ZNF423: variants seen among roughly 807,000 people sequenced by gnomAD.
The protein encoded by ZNF423 is Ebf-associated zinc finger protein.
ZNF423 carries 12 observed loss-of-function variants against 95.8 expected under a neutral mutation model. The observed-to-expected ratio is 0.13, with a 90% confidence interval of 0.08 to 0.20. The LOEUF (loss-of-function observed/expected upper bound fraction) is 0.20. Among genes scored for constraint, ZNF423 ranks in the 10% least tolerant of loss-of-function variants. The pLI is 1.00. For synonymous variants in ZNF423, 749 were observed against 711.9 expected (o/e 1.05, Z -0.83); for missense variants, 1,316 against 1,737.1 (o/e 0.76, Z 4.31).
intron 3 of ZNF423, among the ~76,000 whole-genome samples, chr16:49,687,663 C>T (rs1471726551): frequency 1.3e-5 from 2 of 152,146 alleles, no homozygotes; most frequent in African/African-American, 2.4e-5. Context: ...CCAGGGGGGC[C>T]TTTAATTACT....
At chr16:49,722,024 A>G (rs1189256841) in intron 3 of ZNF423, among the ~76,000 whole-genome samples, 1 of 152,210 alleles carries the variant, frequency 6.6e-6, no homozygotes. Context: ...GCAGGCGGTG[A>G]ATAAAAATGT....
At chr16:49,550,819 T>G (rs896805857) in intron 5 of ZNF423, among the ~76,000 whole-genome samples, 11 of 152,250 alleles carry the variant, frequency 7.2e-5, no homozygotes, top group Non-Finnish European at 1.5e-4. Flanking sequence ...TGAGGGCTGC[T>G]TGCCAACTGC....
At chr16:49,667,251 G>A (rs1486046429) in intron 3 of ZNF423, among the ~76,000 whole-genome samples, 1 of 152,230 alleles carries the variant, frequency 6.6e-6, no homozygotes, top group African/African-American at 2.4e-5. Context: ...AGAACAAACT[G>A]GGTCAGTGTT....
At chr16:49,815,893 T>TATACAC (rs2034838293) in intron 1 of ZNF423, among the ~76,000 whole-genome samples, 2 of 45,818 alleles carry the variant, frequency 4.4e-5, no homozygotes, top group African/African-American at 2.0e-4. Context: ...TATATATATA[T>TATACAC]ATATATATAT....
intron 7 of ZNF423, among the ~76,000 whole-genome samples, chr16:49,518,990 G>A (rs778912765): frequency 2.6e-4 from 40 of 152,206 alleles, no homozygotes; most frequent in African/African-American, 6.3e-4. Flanking sequence ...CATGAGCCCC[G>A]GAGGTTGAGG....
chr16:49,654,137 C>G (rs1973515332), intron 3 of ZNF423, among the ~76,000 whole-genome samples: 1 of 152,216 alleles, frequency 6.6e-6, no homozygotes, highest in Non-Finnish European at 1.5e-5. Context: ...TGGAATGACT[C>G]CATAGATCTC....
chr16:49,558,046 C>A (rs954378126), intron 5 of ZNF423, among the ~76,000 whole-genome samples: 1 of 152,202 alleles, frequency 6.6e-6, no homozygotes, highest in African/African-American at 2.4e-5. Flanking sequence ...TACACAGTGT[C>A]ATCCTGCAGT....
intron 5 of ZNF423, among the ~76,000 whole-genome samples, chr16:49,551,855 G>A (rs1193203735): frequency 6.6e-6 from 1 of 152,182 alleles, no homozygotes; most frequent in East Asian, 1.9e-4. Context: ...GGAAGTCAAG[G>A]TGTTTGGACA....
chr16:49,802,609 G>A (rs12596386), intron 1 of ZNF423, among the ~76,000 whole-genome samples: 1 of 152,078 alleles, frequency 6.6e-6, no homozygotes, highest in Non-Finnish European at 1.5e-5. Context: ...GAGAGAAGGG[G>A]CTTTGGCAGC....
At chr16:49,734,731 C>G (rs1375131083) in intron 2 of ZNF423, among the ~76,000 whole-genome samples, 4 of 152,206 alleles carry the variant, frequency 2.6e-5, no homozygotes, top group Admixed American at 6.5e-5. Flanking sequence ...GTCCGTCCAG[C>G]TGACAAGATT....
In ZNF423 at chr16:49,506,081, T is replaced by C. The variant is rs550252956; in HGVS notation, c.3850-14777A>G. On this transcript the variant is annotated intron_variant, in intron 7 of 7. Coordinates refer to ENST00000563137, the MANE Select transcript of ZNF423 (RefSeq NM_001379286.1). The stretch of plus-strand genomic sequence containing the variant: ...GTGTGTGTGTGTATGTGTGTGTAGG[T>C]ATATGCACAGTTTTAAAGTAAGGAG... Among the ~76,000 whole-genome samples the C allele has an allele frequency of 6.6e-5, 10 of 152,288 alleles. No homozygotes were observed. In the East Asian group the frequency reaches 1.5e-3, roughly 24 times the overall value.
At chr16:49,620,060 T>C (rs982116939) in intron 5 of ZNF423, among the ~76,000 whole-genome samples, 1 of 151,912 alleles carries the variant, frequency 6.6e-6, no homozygotes. Context: ...TCTCCAGGGA[T>C]GTGCTTCATA....
intron 1 of ZNF423, among the ~76,000 whole-genome samples, chr16:49,824,935 G>A (rs191802661): frequency 1.3e-5 from 2 of 152,244 alleles, no homozygotes; most frequent in African/African-American, 2.4e-5. Context: ...TTTAAGACTC[G>A]AAATAAAGTT....
chr16:49,783,299 T>C (rs576921380), intron 2 of ZNF423, among the ~76,000 whole-genome samples: 1 of 146,268 alleles, frequency 6.8e-6, no homozygotes, highest in African/African-American at 2.6e-5. Flanking sequence ...TTAGGATTAG[T>C]GCCAGGCTGG....
intron 4 of ZNF423, among the ~76,000 whole-genome samples, chr16:49,630,517 AGGTG>A (rs1224085458): frequency 6.6e-6 from 1 of 151,994 alleles, no homozygotes; most frequent in Non-Finnish European, 1.5e-5. Context: ...CCAGGCCTAT[AGGTG>A]GGTGGGTGGG....
At chr16:49,739,388 G>A (rs2033363992) in intron 2 of ZNF423, among the ~76,000 whole-genome samples, 3 of 152,112 alleles carry the variant, frequency 2.0e-5, no homozygotes, top group Admixed American at 6.5e-5. Flanking sequence ...GACAAGGAAT[G>A]TCATGGCACA....
intron 1 of ZNF423, among the ~76,000 whole-genome samples, chr16:49,830,708 G>A (rs942860278): frequency 6.6e-6 from 1 of 152,166 alleles, no homozygotes; most frequent in Non-Finnish European, 1.5e-5. Flanking sequence ...TCATCATGAG[G>A]AGACAAATCC....
intron 3 of ZNF423, among the ~76,000 whole-genome samples, chr16:49,686,704 CTCT>C (rs1289634981): frequency 1.1e-4 from 16 of 152,178 alleles, no homozygotes; most frequent in Admixed American, 6.5e-4. Context: ...CAAGGCAGAC[CTCT>C]TCTTCTCATC....
intron 5 of ZNF423, among the ~76,000 whole-genome samples, chr16:49,616,000 G>T (rs1971862269): frequency 6.6e-6 from 1 of 152,146 alleles, no homozygotes; most frequent in African/African-American, 2.4e-5. Flanking sequence ...CTTCTCTTCT[G>T]TGTGGTACCC....
Sources: allele counts gnomAD v4.1 joint callset (sites outside exome capture counted in the v4.1 genomes callset), GRCh38; gene constraint gnomAD v4.1.1; transcripts MANE v1.5; gene names NCBI Gene and HGNC (gene_info 2026-07-23, HGNC 2026-07-21).